Variants in GALNT13 observed in about 807,000 individuals in gnomAD.
The protein encoded by GALNT13 is polypeptide N-acetylgalactosaminyltransferase 13.
Under a neutral mutation model 64.2 loss-of-function variants are expected in GALNT13, and 28 were observed. That is an observed-to-expected ratio of 0.44 (90% confidence interval 0.32 to 0.60). The LOEUF (loss-of-function observed/expected upper bound fraction) is 0.60. Ranked by LOEUF, GALNT13 falls within the 20% of genes least tolerant of loss-of-function variation. The pLI, the probability that GALNT13 is intolerant of heterozygous loss-of-function variation, is 0.05. For synonymous variants in GALNT13, 214 were observed against 224.6 expected (o/e 0.95, Z 0.42); for missense variants, 577 against 669.8 (o/e 0.86, Z 1.53).
the GALNT13 span, among the ~76,000 whole-genome samples, chr2:153,394,771 T>C: frequency 0.26 from 40,184 of 152,130 alleles, 6,879 homozygotes; most frequent in Non-Finnish European, 0.39. Context: ...AATGTTCTGT[T>C]GCTGTGTAAA....
intron 3 of GALNT13, among the ~76,000 whole-genome samples, chr2:153,998,668 CT>C (rs1417842642): frequency 1.3e-5 from 2 of 152,084 alleles, no homozygotes; most frequent in Non-Finnish European, 2.9e-5. Context: ...TCAATTTTGG[CT>C]TTTGTTGCCA....
the GALNT13 span, among the ~76,000 whole-genome samples, chr2:153,205,919 AT>A: frequency 2.0e-5 from 3 of 151,970 alleles, no homozygotes; most frequent in East Asian, 5.8e-4. Context: ...TTTCTAAAAT[AT>A]TTTTCTTTTC....
chr2:154,109,678 G>A (rs989380228), intron 3 of GALNT13, among the ~76,000 whole-genome samples: 2 of 152,088 alleles, frequency 1.3e-5, no homozygotes, highest in Non-Finnish European at 2.9e-5. Context: ...TGAGGTTTTG[G>A]TGATGAAAGT....
the GALNT13 span, among the ~76,000 whole-genome samples, chr2:153,552,650 A>G: frequency 1.4e-5 from 2 of 148,018 alleles, no homozygotes; most frequent in Non-Finnish European, 3.0e-5. Flanking sequence ...GAAAATGGGA[A>G]GGATGTGTTG....
At chr2:153,778,682 T>C in the GALNT13 span, among the ~76,000 whole-genome samples, 8 of 152,352 alleles carry the variant, frequency 5.3e-5, no homozygotes, top group East Asian at 1.5e-3. Context: ...CTATTCTCTC[T>C]GCTAAATAAT....
chr2:153,294,959 A>G, the GALNT13 span, among the ~76,000 whole-genome samples: 1 of 152,196 alleles, frequency 6.6e-6, no homozygotes, highest in African/African-American at 2.4e-5. Flanking sequence ...TGGACTGTGA[A>G]GAGAAAAGTG....
intron 3 of GALNT13, among the ~76,000 whole-genome samples, chr2:154,088,545 A>T (rs866889036): frequency 2.0e-4 from 31 of 152,116 alleles, no homozygotes; most frequent in South Asian, 1.7e-3. Flanking sequence ...TCCGCCTCCC[A>T]GGTTCAAGGG....
chr2:154,239,141 A>C (rs1390057975), intron 4 of GALNT13, among the ~76,000 whole-genome samples: 1 of 152,174 alleles, frequency 6.6e-6, no homozygotes, highest in Non-Finnish European at 1.5e-5. Flanking sequence ...GACACATAAA[A>C]TGAATATAAA....
chr2:154,190,027 C>T (rs971832147), intron 4 of GALNT13, among the ~76,000 whole-genome samples: 4 of 152,002 alleles, frequency 2.6e-5, no homozygotes, highest in Non-Finnish European at 4.4e-5. Context: ...TAAAATACAC[C>T]GTATTTGGTG....
At chr2:153,977,544 A>T (rs1694163015) in intron 3 of GALNT13, among the ~76,000 whole-genome samples, 1 of 152,182 alleles carries the variant, frequency 6.6e-6, no homozygotes, top group South Asian at 2.1e-4. Flanking sequence ...CACCACCATG[A>T]TTCAATTACC....
chr2:153,485,163 TTCTC>T, the GALNT13 span, among the ~76,000 whole-genome samples: 2 of 152,258 alleles, frequency 1.3e-5, no homozygotes, highest in African/African-American at 2.4e-5. Flanking sequence ...TTCTTTGTCT[TTCTC>T]AATTGATATT....
the GALNT13 span, among the ~76,000 whole-genome samples, chr2:153,332,473 G>C: frequency 5.4e-5 from 8 of 148,318 alleles, no homozygotes; most frequent in African/African-American, 2.0e-4. Flanking sequence ...GTAATTGCTT[G>C]TTTATGGGGT....
intron 9 of GALNT13, among the ~76,000 whole-genome samples, chr2:154,394,985 A>G (rs1698990191): frequency 6.6e-6 from 1 of 152,214 alleles, no homozygotes; most frequent in African/African-American, 2.4e-5. Context: ...TAATGGCATT[A>G]GTTAAAGACA....
chr2:153,569,108 G>T, the GALNT13 span, among the ~76,000 whole-genome samples: 158 of 152,058 alleles, frequency 1.0e-3, 1 homozygote, highest in East Asian at 0.025. Context: ...AGGTTTTTTT[G>T]GGGGGTACAG....
At position 154,117,801 on chromosome 2, in the gene GALNT13, A is replaced by G. The variant is rs201356664; in HGVS notation, c.143-22536A>G. 4.8e-4 allele frequency among the ~76,000 whole-genome samples: 73 copies of G among 152,306 alleles called. No individual in the cohort carries two copies. In the East Asian group the frequency reaches 8.5e-3, roughly 18 times the overall value. On this transcript the variant is annotated intron_variant, in intron 3 of 12. Transcript: ENST00000392825. ...GGCAAGCCACATGTAAGAGAAAGAAACTGGATCATTGTCTGTCACCTTATA... is the reference window on the plus strand; with the variant it reads ...GGCAAGCCACATGTAAGAGAAAGAAGCTGGATCATTGTCTGTCACCTTATA...
the GALNT13 span, among the ~76,000 whole-genome samples, chr2:153,268,338 A>T: frequency 6.6e-6 from 1 of 152,226 alleles, no homozygotes; most frequent in Non-Finnish European, 1.5e-5. Context: ...ATTAAACCTT[A>T]AAATTCCAAA....
At chr2:154,241,449 T>C (rs1689484791) in intron 4 of GALNT13, among the ~76,000 whole-genome samples, 1 of 152,192 alleles carries the variant, frequency 6.6e-6, no homozygotes, top group Non-Finnish European at 1.5e-5. Context: ...CCTTTCCTGA[T>C]CTCCAAAACA....
chr2:153,467,392 A>G, the GALNT13 span, among the ~76,000 whole-genome samples: 4 of 152,014 alleles, frequency 2.6e-5, no homozygotes, highest in South Asian at 8.3e-4. Flanking sequence ...GGGTGGATCC[A>G]AGTTGTTAAT....
intron 4 of GALNT13, among the ~76,000 whole-genome samples, chr2:154,193,259 T>C (rs77241151): frequency 0.064 from 9,771 of 152,312 alleles, 366 homozygotes; most frequent in African/African-American, 0.092. Flanking sequence ...ATTCTTATGA[T>C]TCACTTCAAC....
Sources: gnomAD v4.1 joint callset for allele counts (sites outside exome capture counted in the v4.1 genomes callset) on GRCh38, gnomAD v4.1.1 for gene constraint, MANE v1.5 for transcripts, NCBI Gene and HGNC (gene_info 2026-07-23, HGNC 2026-07-21) for gene names.